UMODL1: variants seen among roughly 807,000 people sequenced by gnomAD.
UMODL1 encodes uromodulin like 1.
A neutral mutation model predicts 136.3 loss-of-function variants in UMODL1; 128 were observed. The observed-to-expected ratio is 0.94, with a 90% CI of 0.81 to 1.09. UMODL1 has a LOEUF of 1.09. UMODL1 is among the 50% of genes least tolerant of loss of function. The pLI, the probability that UMODL1 is intolerant of heterozygous loss-of-function variation, is 0.00. For missense variants in UMODL1, 1,766 were observed against 1,725.6 expected, an observed-to-expected ratio of 1.02 and a Z score of -0.41; for synonymous variants, 721 against 720.0, an observed-to-expected ratio of 1.00 and a Z score of -0.02.
intron 2 of UMODL1, among the ~76,000 whole-genome samples, chr21:42,083,161 A>C (rs2066382819): frequency 6.6e-6 from 1 of 152,076 alleles, no homozygotes; most frequent in South Asian, 2.1e-4. Context: ...CTCAGGGGCC[A>C]CCTCCAGTGC....
rs1177970312 is a variant in UMODL1, at chr21:42,127,105, G to A, written c.3393G>A (p.Val1131=). Residue 1131 remains valine (V), a synonymous_variant, in exon 19 of 23, where the codon GTG becomes GTA. Coordinates refer to ENST00000408910, the MANE Select transcript of UMODL1 (RefSeq NM_001004416.3). ...GDSPIPQNYS[V]SASDDVRIEV... is the part of the protein sequence containing the mutation. ...CTCCCATACCTCAGAATTATAGCGT[G>A]TCTGCCAGTGACGATGTCAGGATCG... The A allele has an allele frequency of 1.2e-6, 2 of 1,614,080 alleles. No homozygotes were observed. The highest frequency in any genetic ancestry group is 1.1e-5 in the South Asian group (1 of 91,094).
At chr21:42,086,909 T>A (rs1296978084) in intron 4 of UMODL1, among the ~76,000 whole-genome samples, 3 of 152,340 alleles carry the variant, frequency 2.0e-5, no homozygotes, top group Middle Eastern at 6.8e-3. Context: ...GAGGTTGCAG[T>A]GAGCTGAGAT....
chr21:42,082,486 T>C (rs2146434687), intron 2 of UMODL1, among the ~76,000 whole-genome samples: 1 of 152,322 alleles, frequency 6.6e-6, no homozygotes, highest in Middle Eastern at 3.4e-3. Context: ...GCCATGTATC[T>C]GGGCATGAAC....
At chr21:42,072,671 T>C (rs1601169456) in intron 1 of UMODL1, among the ~76,000 whole-genome samples, 1 of 152,196 alleles carries the variant, frequency 6.6e-6, no homozygotes, top group African/African-American at 2.4e-5. Flanking sequence ...GACATGGCTG[T>C]TATTTCACAG....
intron 14 of UMODL1, among the ~76,000 whole-genome samples, chr21:42,117,286 C>T (rs1481806481): frequency 6.6e-6 from 1 of 152,208 alleles, no homozygotes; most frequent in Non-Finnish European, 1.5e-5. Context: ...GCACTGGATT[C>T]CTTGTTATGG....
Position 42,127,979 on chromosome 21 carries a change from G to A in UMODL1, c.3690+148G>A, listed in dbSNP as rs138841345. On this transcript the variant is annotated intron_variant, in intron 20 of 22. Coordinates refer to ENST00000408910, the MANE Select transcript of UMODL1 (RefSeq NM_001004416.3). Reference sequence around the variant, plus strand: ...GCTGTGCCTGTCCTGCAGACTCCGCGTCTGAAATGGTATTTCCACGGCAGG... The same window carrying A: ...GCTGTGCCTGTCCTGCAGACTCCGCATCTGAAATGGTATTTCCACGGCAGG... The A allele has an allele frequency of 2.0e-4, 203 of 1,011,926 alleles. 2 individuals carry two copies. The African/African-American group carries it at 2.1e-3, about 10-fold the overall frequency. The allele number at this position is 1,011,926 out of a possible 1,614,324, so 62.7% of individuals were successfully genotyped here.
chr21:42,117,260 G>A (rs1016342448), intron 14 of UMODL1, among the ~76,000 whole-genome samples: 1 of 152,182 alleles, frequency 6.6e-6, no homozygotes, highest in Non-Finnish European at 1.5e-5. Flanking sequence ...TTTCATCCAC[G>A]TGGCAGCATG....
Position 42,123,014 on chromosome 21 carries a change from A to C in UMODL1, c.3011A>C (p.Lys1004Thr). Residue 1004 changes from lysine to threonine, a missense_variant, in exon 17 of 23, where the codon AAG becomes ACG. Physicochemically the swap from Lys to Thr is moderately conservative, Grantham distance 78. Transcript: ENST00000408910. This position sits in a 1 kb window ranked among gnomAD's most constrained non-coding sequence, Gnocchi z 4.4. The stretch of plus-strand genomic sequence containing the variant: ...GAGAAGGTGGTTGTCGCCATCCAGA[A>C]GCGCTTCCTGCAGCAGGAATCCATC... ...EIEKVVVAIQ[K>T]RFLQQESIPE... The C allele has an allele frequency of 6.2e-7, 1 of 1,614,016 alleles. No individual in the cohort carries two copies. Among genetic ancestry groups the C allele is most frequent in the Non-Finnish European group, 8.5e-7 (1 of 1,180,020 alleles).
intron 1 of UMODL1, among the ~76,000 whole-genome samples, 195 bp downstream of exon 1, chr21:42,071,587 C>T (rs569078093): frequency 2.6e-5 from 4 of 152,136 alleles, no homozygotes; most frequent in Admixed American, 6.5e-5. Context: ...GCAGGAGTGC[C>T]GGGTAGGGTT....
At chr21:42,107,882 GA>G (rs1306546022) in intron 9 of UMODL1, among the ~76,000 whole-genome samples, 1 of 152,334 alleles carries the variant, frequency 6.6e-6, no homozygotes, top group East Asian at 1.9e-4. Context: ...TGCTCCAGGA[GA>G]GGGCTCAGCC....
At chr21:42,117,134 C>T (rs1328812828) in intron 14 of UMODL1, among the ~76,000 whole-genome samples, 1 of 152,170 alleles carries the variant, frequency 6.6e-6, no homozygotes, top group Non-Finnish European at 1.5e-5. Context: ...CTGGTAATCA[C>T]TTATCTGCTT....
In UMODL1 at chr21:42,099,036, C is replaced by T. The variant is rs376971038; in HGVS notation, c.1042C>T (p.Arg348Trp). 31 of 1,614,052 alleles carry T rather than the reference C, an allele frequency of 1.9e-5. No individual in the cohort carries two copies. Among genetic ancestry groups the T allele is most frequent in the African/African-American group, 5.3e-5 (4 of 74,910 alleles). ...CCACACTTTCCATGTCCGGGTTTAC[C>T]GGGGTATGGAGTTGCTCAGGAGCGC... ...QNHTFHVRVY[R>W]GMELLRSART... The change falls in exon 7 of 23, where the codon CGG (arginine) becomes TGG (tryptophan). Residue 348 changes from arginine (R) to tryptophan (W), a missense_variant. Transcript: ENST00000408910. This position sits in a 1 kb window ranked among gnomAD's most constrained non-coding sequence, Gnocchi z 4.1.
intron 5 of UMODL1, among the ~76,000 whole-genome samples, chr21:42,090,040 G>T (rs536152561): frequency 1.3e-5 from 2 of 152,184 alleles, no homozygotes; most frequent in Non-Finnish European, 2.9e-5. Flanking sequence ...ATTTGCTCAC[G>T]TGAGGCTGCC....
chr21:42,079,477 A>G (rs959849464), intron 2 of UMODL1, among the ~76,000 whole-genome samples: 1 of 152,204 alleles, frequency 6.6e-6, no homozygotes, highest in Non-Finnish European at 1.5e-5. Context: ...GTGAGGCCAC[A>G]GGGAGGGACG....
At chr21:42,120,914 C>T in intron 15 of UMODL1, 173 bp from the exon 16 acceptor site, 2 of 732,114 alleles carry the variant, frequency 2.7e-6, no homozygotes, top group Non-Finnish European at 4.3e-6. Flanking sequence ...CCATTCCCAG[C>T]CCCAGCTTCA....
intron 17 of UMODL1, among the ~76,000 whole-genome samples, chr21:42,125,629 A>AG (rs1478003235): frequency 6.6e-6 from 1 of 152,140 alleles, no homozygotes; most frequent in Non-Finnish European, 1.5e-5. Flanking sequence ...CGTTGGCAGC[A>AG]GGGGGGTGTC....
chr21:42,114,380 T>C (rs1426584967), intron 13 of UMODL1, among the ~76,000 whole-genome samples: 1 of 152,268 alleles, frequency 6.6e-6, no homozygotes, highest in Non-Finnish European at 1.5e-5. Context: ...TCCTCTTTTC[T>C]TTTCATTAGC....
At chr21:42,090,168 C>A in intron 5 of UMODL1, 130 bp from the exon 6 acceptor site, 1 of 1,281,028 alleles carries the variant, frequency 7.8e-7, no homozygotes, top group Non-Finnish European at 1.1e-6. Flanking sequence ...GATCACTGCC[C>A]AAGGCACCCC....
intron 2 of UMODL1, among the ~76,000 whole-genome samples, chr21:42,083,016 C>T (rs770844028): frequency 1.3e-5 from 2 of 152,212 alleles, no homozygotes; most frequent in Admixed American, 6.5e-5. Context: ...GGGACCCCAC[C>T]GGGTTGGCCT....
Sources: gnomAD v4.1 joint callset for allele counts (sites outside exome capture counted in the v4.1 genomes callset) on GRCh38, gnomAD v4.1.1 for gene constraint, Gnocchi (gnomAD v3.1) non-coding constraint, MANE v1.5 for transcripts, NCBI Gene and HGNC (gene_info 2026-07-23, HGNC 2026-07-21) for gene names.